Variants in ROCK2 observed in about 807,000 individuals in gnomAD.
The protein encoded by ROCK2 is Rho associated coiled-coil containing protein kinase 2, also known as rho-associated protein kinase 2.
Under a neutral mutation model 195.1 loss-of-function variants are expected in ROCK2, and 61 were observed. The ratio of observed to expected loss-of-function variants is 0.31; its 90% CI spans 0.25 to 0.39. The LOEUF (loss-of-function observed/expected upper bound fraction) is 0.39, where lower values mean the gene tolerates loss of function less well. ROCK2 is among the 10% of genes least tolerant of loss of function. ROCK2 has a pLI of 1.00. For missense variants in ROCK2, 1,109 were observed against 1,637.4 expected (o/e 0.68, Z 5.57); for synonymous variants, 504 against 545.5 (o/e 0.92, Z 1.06).
intron 5 of ROCK2, 32 bp from the exon 6 acceptor site, chr2:11,227,430 G>T: frequency 6.3e-7 from 1 of 1,586,760 alleles, no homozygotes; most frequent in South Asian, 1.2e-5. Flanking sequence ...AGAAAAAACA[G>T]TTCAGTGTAA....
At chr2:11,317,608 A>ATTTT (rs1210144997) in intron 1 of ROCK2, among the ~76,000 whole-genome samples, 2 of 15,942 alleles carry the variant, frequency 1.3e-4, no homozygotes, top group African/African-American at 3.9e-4. Context: ...ATATATATAT[A>ATTTT]TATATTTTTT....
chr2:11,211,605 T>C (rs1664249546), intron 18 of ROCK2, 76 bp downstream of exon 18: 1 of 1,384,038 alleles, frequency 7.2e-7, no homozygotes, highest in Admixed American at 2.5e-5. Flanking sequence ...AAAAAAATGT[T>C]TCAAAACCAA....
intron 1 of ROCK2, among the ~76,000 whole-genome samples, chr2:11,321,279 G>T (rs1384417595): frequency 1.3e-5 from 2 of 152,034 alleles, no homozygotes; most frequent in Non-Finnish European, 1.5e-5. Context: ...ACGTTCAAGC[G>T]ATTTTCGTGC....
chr2:11,294,682 T>G (rs1214792782), intron 1 of ROCK2, among the ~76,000 whole-genome samples: 1 of 152,218 alleles, frequency 6.6e-6, no homozygotes, highest in African/African-American at 2.4e-5. Flanking sequence ...GCATTCATAA[T>G]GTAATACATT....
intron 1 of ROCK2, among the ~76,000 whole-genome samples, chr2:11,324,552 G>A (rs1668492076): frequency 6.6e-6 from 1 of 152,236 alleles, no homozygotes; most frequent in Non-Finnish European, 1.5e-5. Context: ...GTGGGTGAGT[G>A]GGTACAGTAT....
rs546794526 is a variant in ROCK2 at position 11,309,076 on chromosome 2, A to G, written c.142-21340T>C. 3.3e-5 allele frequency: 44 copies of G among 1,324,566 alleles called. No homozygotes were observed. The African/African-American group carries it at 3.6e-4, about 11-fold the overall frequency. 82.1% of individuals were successfully genotyped at this position (1,324,566 alleles called of 1,614,324 possible). ...AGACCAGTAGGCCGGAGGGAGTCCA[A>G]TGCAAAGCTGTACCACAAAATTCAA... is the stretch of plus-strand genomic sequence containing the variant. On this transcript the variant is annotated intron_variant, in intron 1 of 32. Transcript: ENST00000315872.
chr2:11,250,507 T>G (rs539268807), intron 3 of ROCK2, among the ~76,000 whole-genome samples: 6 of 152,366 alleles, frequency 3.9e-5, no homozygotes, highest in African/African-American at 1.4e-4. Flanking sequence ...AGTTAACATT[T>G]ATTAGATAAG....
intron 3 of ROCK2, among the ~76,000 whole-genome samples, chr2:11,277,718 T>C (rs554295268): frequency 6.6e-6 from 1 of 152,240 alleles, no homozygotes; most frequent in Non-Finnish European, 1.5e-5. Flanking sequence ...AATTTCTTTA[T>C]CCACTCGTTG....
chr2:11,307,920 G>T, intron 1 of ROCK2: 1 of 1,356,376 alleles, frequency 7.4e-7, no homozygotes, highest in Non-Finnish European at 9.7e-7. Flanking sequence ...GGCCGTAGCG[G>T]TCCTCCTGGC....
chr2:11,221,988 A>G, intron 8 of ROCK2, 95 bp downstream of exon 8: 1 of 715,062 alleles, frequency 1.4e-6, no homozygotes, highest in South Asian at 1.9e-5. Context: ...AGTTAGCATT[A>G]AGTGTTATCA....
At chr2:11,327,442 T>C (rs1425719596) in intron 1 of ROCK2, among the ~76,000 whole-genome samples, 3 of 152,184 alleles carry the variant, frequency 2.0e-5, no homozygotes, top group Non-Finnish European at 4.4e-5. Context: ...ATTGGGAAAC[T>C]ATAAAGCCAG....
At chr2:11,215,111 A>C in intron 15 of ROCK2, 25 bp from the exon 16 acceptor site, 6 of 1,612,240 alleles carry the variant, frequency 3.7e-6, no homozygotes, top group Non-Finnish European at 5.1e-6. Context: ...AAAACCAAAC[A>C]ACAACAAACA....
chr2:11,189,745 G>A (rs1663344167), intron 32 of ROCK2, among the ~76,000 whole-genome samples: 1 of 152,108 alleles, frequency 6.6e-6, no homozygotes, highest in Non-Finnish European at 1.5e-5. Flanking sequence ...ACTTTGGGAG[G>A]CCGAGGTGGG....
In ROCK2 at chr2:11,192,249, A is replaced by T; in HGVS notation, c.4062T>A (p.Ala1354=). 6.2e-7 allele frequency: 1 copy of T among 1,613,808 alleles called. No individual in the cohort carries two copies. The highest frequency in any genetic ancestry group is 1.1e-5 in the South Asian group (1 of 91,072). ...LVKKIPKKPP[A]PDPFARSSPR... is the part of the protein sequence containing the mutation. ...GAGATGATCGGGCAAAAGGGTCTGG[A>T]GCTGGGGGCTTTTTAGGTATCTTTT... The change falls in exon 32 of 33, where the codon GCT becomes GCA. Residue 1354 remains alanine, a synonymous_variant. Transcript: ENST00000315872. The surrounding 1 kb of genome is among the most constrained non-coding windows in gnomAD (Gnocchi z 5.0).
chr2:11,241,371 T>C (rs144671426), intron 4 of ROCK2, among the ~76,000 whole-genome samples: 2 of 152,288 alleles, frequency 1.3e-5, no homozygotes, highest in South Asian at 2.1e-4. Flanking sequence ...ATTACACATG[T>C]GTAACTGAAG....
At chr2:11,331,469 G>T (rs1572419354) in intron 1 of ROCK2, among the ~76,000 whole-genome samples, 2 of 152,108 alleles carry the variant, frequency 1.3e-5, no homozygotes. Flanking sequence ...TAACAGAGAA[G>T]TATAAAGATA....
chr2:11,190,366 TAA>T (rs34098406), intron 32 of ROCK2, among the ~76,000 whole-genome samples: 10,067 of 53,050 alleles, frequency 0.19, 485 homozygotes, highest in Non-Finnish European at 0.31. Flanking sequence ...AGAAGTTTTT[TAA>T]AAAAAAAAAA....
chr2:11,265,347 A>C (rs1234476291), intron 3 of ROCK2, among the ~76,000 whole-genome samples: 2 of 152,208 alleles, frequency 1.3e-5, no homozygotes, highest in Non-Finnish European at 2.9e-5. Flanking sequence ...ACTACAGGTG[A>C]ATTTTAAAAA....
intron 3 of ROCK2, among the ~76,000 whole-genome samples, chr2:11,267,794 C>T (rs190308604): frequency 1.0e-3 from 150 of 150,706 alleles, no homozygotes; most frequent in African/African-American, 3.1e-3. Flanking sequence ...TACAGGTGCA[C>T]GCCACCAAGC....
Sources: allele counts gnomAD v4.1 joint callset (sites outside exome capture counted in the v4.1 genomes callset), GRCh38; gene constraint gnomAD v4.1.1; non-coding constraint Gnocchi (gnomAD v3.1); transcripts MANE v1.5; gene names NCBI Gene and HGNC (gene_info 2026-07-23, HGNC 2026-07-21).